GRM5: variants seen among roughly 807,000 people sequenced by gnomAD.
GRM5 encodes the protein glutamate metabotropic receptor 5.
Under a neutral mutation model 83.1 loss-of-function variants are expected in GRM5, and 19 were observed. That is an observed-to-expected ratio of 0.23 (90% confidence interval 0.16 to 0.34). GRM5 has a LOEUF of 0.34. GRM5 is among the 10% of genes least tolerant of loss of function. The pLI is 1.00. For synonymous variants in GRM5, 675 were observed against 633.6 expected (o/e 1.07, Z -0.98); for missense variants, 1,160 against 1,588.3 (o/e 0.73, Z 4.58).
chr11:88,957,781 T>A (rs7123844), intron 2 of GRM5, among the ~76,000 whole-genome samples: 3,451 of 152,270 alleles, frequency 0.023, 111 homozygotes, highest in African/African-American at 0.077. Flanking sequence ...CAATATTTTT[T>A]ATTTTTACTT....
intron 3 of GRM5, among the ~76,000 whole-genome samples, chr11:88,781,123 A>G (rs1942966528): frequency 1.9e-4 from 1 of 5,360 alleles, no homozygotes; most frequent in East Asian, 3.0e-3. Context: ...ATATACATAT[A>G]TATGTATATA....
intron 2 of GRM5, among the ~76,000 whole-genome samples, chr11:88,949,016 A>T (rs1017015508): frequency 3.9e-5 from 6 of 152,238 alleles, no homozygotes; most frequent in African/African-American, 1.2e-4. Flanking sequence ...CATGAAGCCC[A>T]GAATGGCTTG....
At chr11:88,597,577 A>G (rs1483808978) in intron 5 of GRM5, among the ~76,000 whole-genome samples, 1 of 152,100 alleles carries the variant, frequency 6.6e-6, no homozygotes. Context: ...AAGTAATCCC[A>G]TGTGAGAAGG....
At chr11:88,839,528 A>C (rs1468742426) in intron 3 of GRM5, among the ~76,000 whole-genome samples, 1 of 152,218 alleles carries the variant, frequency 6.6e-6, no homozygotes, top group Non-Finnish European at 1.5e-5. Flanking sequence ...CAAATGATTT[A>C]ATAATGCCAT....
At chr11:88,707,571 TAGAC>T (rs1326581341) in intron 3 of GRM5, among the ~76,000 whole-genome samples, 2 of 152,076 alleles carry the variant, frequency 1.3e-5, no homozygotes, top group African/African-American at 4.8e-5. Context: ...TAATTTAAAG[TAGAC>T]AGGAGGATGT....
At chr11:88,659,555 T>A (rs1939851194) in intron 3 of GRM5, among the ~76,000 whole-genome samples, 1 of 152,190 alleles carries the variant, frequency 6.6e-6, no homozygotes, top group African/African-American at 2.4e-5. Flanking sequence ...CTTACACCAT[T>A]GTATGCTTAT....
chr11:88,636,002 C>T (rs1254718875), intron 4 of GRM5, among the ~76,000 whole-genome samples: 1 of 152,186 alleles, frequency 6.6e-6, no homozygotes, highest in African/African-American at 2.4e-5. Flanking sequence ...TTCATATCTT[C>T]TATTACAAAA....
intron 4 of GRM5, among the ~76,000 whole-genome samples, chr11:88,610,084 T>A (rs1938272056): frequency 6.6e-6 from 1 of 152,206 alleles, no homozygotes; most frequent in Non-Finnish European, 1.5e-5. Flanking sequence ...TCTGTTTCAC[T>A]GGCCTATGTG....
chr11:88,985,443 T>C (rs1258593642), intron 2 of GRM5, among the ~76,000 whole-genome samples: 1 of 152,090 alleles, frequency 6.6e-6, no homozygotes, highest in African/African-American at 2.4e-5. Flanking sequence ...GCACAATTTA[T>C]TGTCTGTGGA....
In GRM5 at chr11:88,748,309, C is replaced by T. The variant is rs1942187079; in HGVS notation, c.912-94906G>A. On this transcript the variant is annotated intron_variant, in intron 3 of 9. Transcript: ENST00000305447. Reference sequence around the variant, plus strand: ...GGCATGAAAGCCAACCATAGCTATACCTAGGAAGGGAGCTTAATCCAGGGA... The same window carrying T: ...GGCATGAAAGCCAACCATAGCTATATCTAGGAAGGGAGCTTAATCCAGGGA... 2.6e-5 allele frequency among the ~76,000 whole-genome samples: 4 copies of T among 152,100 alleles called. No homozygotes were observed. In the South Asian group the frequency reaches 8.3e-4, roughly 32 times the overall value.
intron 2 of GRM5, among the ~76,000 whole-genome samples, chr11:89,032,159 T>G (rs1469484221): frequency 6.6e-6 from 1 of 152,078 alleles, no homozygotes; most frequent in Non-Finnish European, 1.5e-5. Flanking sequence ...GGACACCTGA[T>G]AAATTTCATG....
intron 2 of GRM5, among the ~76,000 whole-genome samples, chr11:88,994,624 A>C (rs973294461): frequency 1.6e-4 from 24 of 148,974 alleles, no homozygotes; most frequent in Non-Finnish European, 3.1e-4. Flanking sequence ...AAAAAAAAAA[A>C]AAACAGTAAA....
Position 89,047,996 on chromosome 11 carries a change from G to A in GRM5, c.-124C>T, listed in dbSNP as rs199968508. ...AATCAAGAAATTAGCCAGCAATTCA[G>A]ATGTATTTTCTAAAGGACCATTTTG... On this transcript the variant is annotated 5_prime_UTR_variant, in exon 2 of 10. Coordinates refer to ENST00000305447, the MANE Select transcript of GRM5 (RefSeq NM_001143831.3). This position sits in a 1 kb window ranked among gnomAD's most constrained non-coding sequence, Gnocchi z 5.1. 1.9e-5 allele frequency: 13 copies of A among 685,392 alleles called. No individual in the cohort carries two copies. Among genetic ancestry groups the A allele is most frequent in the Non-Finnish European group, 3.0e-5 (12 of 404,108 alleles). The allele number at this position is 685,392 out of a possible 1,614,324, so 42.5% of individuals were successfully genotyped here. A position where few individuals can be genotyped will look rare whatever the true frequency, so the allele number is the denominator to read the frequency against.
At chr11:88,843,230 T>G (rs972679282) in intron 3 of GRM5, among the ~76,000 whole-genome samples, 1 of 152,208 alleles carries the variant, frequency 6.6e-6, no homozygotes, top group Non-Finnish European at 1.5e-5. Context: ...TCATTATTAT[T>G]ATATCTGTTA....
intron 2 of GRM5, among the ~76,000 whole-genome samples, chr11:88,925,565 C>T (rs551570033): frequency 3.0e-4 from 46 of 152,186 alleles, no homozygotes; most frequent in Admixed American, 8.5e-4. Flanking sequence ...ATGTATTACA[C>T]GGGTTTAAAC....
At chr11:88,779,260 T>G (rs549818647) in intron 3 of GRM5, among the ~76,000 whole-genome samples, 60 of 152,326 alleles carry the variant, frequency 3.9e-4, no homozygotes, top group African/African-American at 1.4e-3. Flanking sequence ...GTAAGGATTA[T>G]TTAGCCTTTC....
chr11:88,976,360 G>A (rs1939335549), intron 2 of GRM5, among the ~76,000 whole-genome samples: 1 of 152,036 alleles, frequency 6.6e-6, no homozygotes, highest in Admixed American at 6.6e-5. Context: ...CGTGAATCTT[G>A]CGAATCTACC....
At chr11:88,607,088 G>A (rs1938173459) in intron 4 of GRM5, among the ~76,000 whole-genome samples, 1 of 151,970 alleles carries the variant, frequency 6.6e-6, no homozygotes, top group Non-Finnish European at 1.5e-5. Context: ...CCCCAGTAGA[G>A]AGTCTCCCTA....
At chr11:89,016,043 A>G (rs12290760) in intron 2 of GRM5, among the ~76,000 whole-genome samples, 5,130 of 152,202 alleles carry the variant, frequency 0.034, 293 homozygotes, top group African/African-American at 0.12. Flanking sequence ...GTTGGAAGGA[A>G]AGAGAAGATA....
Sources: allele counts gnomAD v4.1 joint callset (sites outside exome capture counted in the v4.1 genomes callset), GRCh38; gene constraint gnomAD v4.1.1; non-coding constraint Gnocchi (gnomAD v3.1); transcripts MANE v1.5; gene names NCBI Gene and HGNC (gene_info 2026-07-23, HGNC 2026-07-21).